Variants in STK4 observed in about 807,000 individuals in gnomAD.
The protein encoded by STK4 is serine/threonine-protein kinase 4.
In STK4, 30 loss-of-function variants were observed where a neutral mutation model predicts 64.9. The ratio of observed to expected loss-of-function variants is 0.46; its 90% CI spans 0.35 to 0.63. The LOEUF (loss-of-function observed/expected upper bound fraction) is 0.63. STK4 is among the 20% of genes least tolerant of loss of function. The pLI is 0.01. For missense variants in STK4, 466 were observed against 598.5 expected, an observed-to-expected ratio of 0.78 and a Z score of 2.31; for synonymous variants, 177 against 199.0, an observed-to-expected ratio of 0.89 and a Z score of 0.93.
intron 10 of STK4, among the ~76,000 whole-genome samples, chr20:45,056,138 G>A (rs1489400953): frequency 2.0e-5 from 3 of 152,148 alleles, no homozygotes; most frequent in Non-Finnish European, 4.4e-5. Context: ...TGTAAAGTCA[G>A]ATTTGTTGAG....
chr20:45,018,952 G>A (rs2068194192), intron 9 of STK4, among the ~76,000 whole-genome samples: 1 of 151,954 alleles, frequency 6.6e-6, no homozygotes, highest in Non-Finnish European at 1.5e-5. Context: ...GGCTAGTCTC[G>A]AACTCGTGGC....
At chr20:45,057,696 G>A (rs746740023) in intron 10 of STK4, among the ~76,000 whole-genome samples, 12 of 152,088 alleles carry the variant, frequency 7.9e-5, no homozygotes, top group Non-Finnish European at 1.6e-4. Flanking sequence ...TTTAAAGAAC[G>A]GTTTTATACC....
intron 10 of STK4, among the ~76,000 whole-genome samples, chr20:45,046,996 C>A (rs955487248): frequency 6.6e-6 from 1 of 152,120 alleles, no homozygotes; most frequent in Non-Finnish European, 1.5e-5. Context: ...GCTTTTCTTA[C>A]TCCAGTGTTA....
rs80097186 is a variant in STK4, at chr20:45,038,457, T to C, written c.1305+13327T>C. On this transcript the variant is annotated intron_variant, in intron 10 of 10. Coordinates refer to ENST00000372806, the MANE Select transcript of STK4 (RefSeq NM_006282.5). ...TGTTTGAATTAGGATCCAAATGCGA[T>C]TTATAGGAAGTTGGTTGATATGTCT... Among the ~76,000 whole-genome samples the C allele has an allele frequency of 5.1e-3, 769 of 152,170 alleles. 8 individuals carry two copies. Among genetic ancestry groups the C allele is most frequent in the African/African-American group, 0.018 (736 of 41,538 alleles).
At chr20:44,992,687 T>G (rs1001907273) in intron 5 of STK4, among the ~76,000 whole-genome samples, 6 of 151,916 alleles carry the variant, frequency 3.9e-5, no homozygotes, top group African/African-American at 9.7e-5. Flanking sequence ...ACTGTTTTTT[T>G]TTTGTTTGTT....
chr20:45,046,283 A>G, intron 10 of STK4, among the ~76,000 whole-genome samples: 1 of 151,840 alleles, frequency 6.6e-6, no homozygotes, highest in East Asian at 2.0e-4. Context: ...AAAAAAAGAA[A>G]AATTGGCTAA....
intron 9 of STK4, among the ~76,000 whole-genome samples, chr20:45,018,859 T>C (rs2068191878): frequency 6.6e-6 from 1 of 151,888 alleles, no homozygotes; most frequent in Non-Finnish European, 1.5e-5. Flanking sequence ...TCCTGAATAG[T>C]TGGGACTACA....
At chr20:45,057,406 A>C (rs1042927604) in intron 10 of STK4, among the ~76,000 whole-genome samples, 1 of 152,206 alleles carries the variant, frequency 6.6e-6, no homozygotes, top group African/African-American at 2.4e-5. Context: ...AGTAATAACT[A>C]TATGCTTGTG....
intron 10 of STK4, among the ~76,000 whole-genome samples, chr20:45,036,638 C>A (rs1218959970): frequency 6.6e-6 from 1 of 152,146 alleles, no homozygotes; most frequent in Non-Finnish European, 1.5e-5. Flanking sequence ...TTGCTAAGAT[C>A]TGTGGTAAGA....
In STK4 at chr20:45,074,198, A is replaced by G. The variant is rs367908755; in HGVS notation, c.1306-820A>G. Among the ~76,000 whole-genome samples, 8 of 152,302 alleles carry G rather than the reference A, an allele frequency of 5.3e-5. 1 individual carries two copies. The highest frequency in any genetic ancestry group is 1.9e-4 in the East Asian group (1 of 5,186). On this transcript the variant is annotated intron_variant, in intron 10 of 10. Transcript: ENST00000372806. ...CCTCCTTGGGCTGTTCATCTGTAAC[A>G]TAGGGATAATAATGTCCTTGTAGCA...
At chr20:44,970,420 A>G (rs191068628) in intron 1 of STK4, 1 of 152,236 alleles carries the variant, frequency 6.6e-6, no homozygotes, top group East Asian at 1.9e-4. Flanking sequence ...TCCTTTGTAT[A>G]AGCTGTTTAT....
chr20:45,009,630 T>C (rs1601257906), intron 9 of STK4, among the ~76,000 whole-genome samples: 1 of 152,190 alleles, frequency 6.6e-6, no homozygotes, highest in East Asian at 1.9e-4. Context: ...GGAGAGTATA[T>C]ACATTTTAAT....
chr20:45,005,659 A>C (rs962026699), intron 9 of STK4, among the ~76,000 whole-genome samples: 10 of 151,464 alleles, frequency 6.6e-5, no homozygotes, highest in East Asian at 1.9e-4. Flanking sequence ...AAAAAAAAAA[A>C]AAAAAAAACA....
intron 4 of STK4, among the ~76,000 whole-genome samples, chr20:44,982,272 A>G (rs2067455810): frequency 6.6e-6 from 1 of 151,162 alleles, no homozygotes; most frequent in Admixed American, 6.6e-5. Context: ...GTGTACCACC[A>G]TGCCCAGCTA....
intron 10 of STK4, among the ~76,000 whole-genome samples, chr20:45,046,810 T>G (rs1342220786): frequency 6.6e-6 from 1 of 152,058 alleles, no homozygotes; most frequent in Non-Finnish European, 1.5e-5. Context: ...GCCTCCTGAG[T>G]AGCTGGGATT....
intron 9 of STK4, among the ~76,000 whole-genome samples, chr20:45,012,792 TC>T (rs1379025091): frequency 7.9e-5 from 9 of 114,132 alleles, no homozygotes; most frequent in Non-Finnish European, 1.5e-4. Context: ...TTCTTCTTCT[TC>T]TTCTTCTTTT....
chr20:45,072,161 A>C (rs1980124023), intron 10 of STK4, among the ~76,000 whole-genome samples: 1 of 152,194 alleles, frequency 6.6e-6, no homozygotes, highest in African/African-American at 2.4e-5. Context: ...GTTTTTAGCA[A>C]GTGATTCTGA....
rs886113892 is a variant in STK4, at chr20:45,077,126, A to T, written c.*1950A>T. 2.0e-5 allele frequency: 3 copies of T among 152,158 alleles called. No individual in the cohort carries two copies. The highest frequency in any genetic ancestry group is 2.9e-5 in the Non-Finnish European group (2 of 68,044). 9.4% of individuals were successfully genotyped at this position (152,158 alleles called of 1,614,324 possible). On this transcript the variant is annotated 3_prime_UTR_variant, in exon 11 of 11. Coordinates refer to ENST00000372806, the MANE Select transcript of STK4 (RefSeq NM_006282.5). ...GAGAGAAAGATTCCTTCCCAAGGTC[A>T]TGCAGCTAGTAAATGATAGAATCAG... is the stretch of plus-strand genomic sequence containing the variant.
At chr20:44,968,142 CTTT>C (rs34448683) in intron 1 of STK4, among the ~76,000 whole-genome samples, 1 of 145,624 alleles carries the variant, frequency 6.9e-6, no homozygotes. Flanking sequence ...AGTCCATGTT[CTTT>C]TTTTTTTTTT....
Sources: gnomAD v4.1 joint callset for allele counts (sites outside exome capture counted in the v4.1 genomes callset) on GRCh38, gnomAD v4.1.1 for gene constraint, MANE v1.5 for transcripts, NCBI Gene and HGNC (gene_info 2026-07-23, HGNC 2026-07-21) for gene names.